The following LINGO2 variants were observed in gnomAD, a reference collection of about 807,000 sequenced individuals.
LINGO2 encodes leucine-rich repeat and immunoglobulin-like domain-containing nogo receptor-interacting protein 2.
In LINGO2, 14 loss-of-function variants were observed where a neutral mutation model predicts 30.6. That is an observed-to-expected ratio of 0.46 (90% confidence interval 0.30 to 0.72). The LOEUF (loss-of-function observed/expected upper bound fraction) is 0.72, where lower values mean the gene tolerates loss of function less well. Among genes scored for constraint, LINGO2 ranks in the 30% least tolerant of loss-of-function variants. LINGO2 has a pLI of 0.07. For synonymous variants in LINGO2, 317 were observed against 288.5 expected (o/e 1.10, Z -1.00); for missense variants, 729 against 751.7 (o/e 0.97, Z 0.35).
intron 2 of LINGO2, among the ~76,000 whole-genome samples, chr9:28,456,495 G>A (rs772256544): frequency 2.7e-4 from 41 of 152,182 alleles, no homozygotes; most frequent in Non-Finnish European, 4.3e-4. Context: ...AGTACCAAAA[G>A]AGAAATTTGG....
chr9:28,475,651 C>T (rs552155512), intron 2 of LINGO2, among the ~76,000 whole-genome samples: 1 of 152,188 alleles, frequency 6.6e-6, no homozygotes, highest in Admixed American at 6.5e-5. Flanking sequence ...AAAAGTTTAA[C>T]CAGACAACAA....
At chr9:28,819,931 C>T in the LINGO2 span, among the ~76,000 whole-genome samples, 12 of 152,136 alleles carry the variant, frequency 7.9e-5, no homozygotes, top group Non-Finnish European at 1.5e-4. Flanking sequence ...CCCACCCACA[C>T]CTACCACTCC....
At chr9:28,549,969 A>G (rs533801060) in intron 1 of LINGO2, among the ~76,000 whole-genome samples, 17 of 152,014 alleles carry the variant, frequency 1.1e-4, no homozygotes, top group African/African-American at 4.1e-4. Context: ...AATTATCTTC[A>G]CAACATCCTG....
chr9:29,018,387 A>AC, the LINGO2 span, among the ~76,000 whole-genome samples: 1 of 151,820 alleles, frequency 6.6e-6, no homozygotes, highest in African/African-American at 2.4e-5. Flanking sequence ...GATCATTTGT[A>AC]CCCCAAACCT....
chr9:28,723,923 G>GA, the LINGO2 span, among the ~76,000 whole-genome samples: 10 of 150,490 alleles, frequency 6.6e-5, no homozygotes, highest in Admixed American at 1.3e-4. Flanking sequence ...GATGCAAAAA[G>GA]AAAAAAAAAT....
At chr9:28,745,059 A>C in the LINGO2 span, among the ~76,000 whole-genome samples, 1 of 152,140 alleles carries the variant, frequency 6.6e-6, no homozygotes, top group South Asian at 2.1e-4. Context: ...ATAGACATGT[A>C]TGTTTATTTA....
chr9:27,968,120 A>G (rs755107558), intron 5 of LINGO2, among the ~76,000 whole-genome samples: 14 of 152,256 alleles, frequency 9.2e-5, no homozygotes, highest in Non-Finnish European at 1.8e-4. Flanking sequence ...TTTTATATGC[A>G]AAGTGGAGCT....
intron 4 of LINGO2, among the ~76,000 whole-genome samples, chr9:28,195,010 A>G (rs1819958760): frequency 1.3e-5 from 2 of 152,058 alleles, no homozygotes; most frequent in Admixed American, 6.6e-5. Flanking sequence ...GAATAAGTGG[A>G]CAAAAACAAA....
chr9:28,071,439 G>A (rs1825473570), intron 4 of LINGO2, among the ~76,000 whole-genome samples: 2 of 151,780 alleles, frequency 1.3e-5, no homozygotes, highest in Non-Finnish European at 2.9e-5. Context: ...GCTACTCTTT[G>A]TACTTATTTA....
At chr9:28,960,351 T>C in the LINGO2 span, among the ~76,000 whole-genome samples, 3 of 151,666 alleles carry the variant, frequency 2.0e-5, no homozygotes, top group African/African-American at 7.3e-5. Context: ...CACAAAAGAA[T>C]TAGCCAAGCA....
intron 4 of LINGO2, among the ~76,000 whole-genome samples, chr9:28,091,311 A>G (rs1325340709): frequency 9.2e-5 from 14 of 152,236 alleles, no homozygotes. Context: ...CTGACTTCAA[A>G]CTATACTAGA....
At chr9:29,180,687 TTA>T in the LINGO2 span, among the ~76,000 whole-genome samples, 1 of 152,184 alleles carries the variant, frequency 6.6e-6, no homozygotes, top group Non-Finnish European at 1.5e-5. Context: ...GAATCACTTC[TTA>T]ATTATAAAGA....
At chr9:28,867,453 T>A in the LINGO2 span, among the ~76,000 whole-genome samples, 11 of 149,062 alleles carry the variant, frequency 7.4e-5, no homozygotes, top group Non-Finnish European at 1.5e-5. Context: ...CTGAGCTAAA[T>A]ATGTGGCAGG....
the LINGO2 span, among the ~76,000 whole-genome samples, chr9:29,211,595 C>G: frequency 1.3e-5 from 2 of 148,978 alleles, no homozygotes; most frequent in Non-Finnish European, 1.5e-5. Context: ...CTCTCTCTCT[C>G]CCTCCCTCCC....
rs1822533671 is a variant in LINGO2 at position 28,554,565 on chromosome 9, C to A, written c.-364-78540G>T. On this transcript the variant is annotated intron_variant, in intron 1 of 5. Transcript: ENST00000379992. ...ATTAATAATGGGAGACTCTAACACC[C>A]CACTGTCAACATTAGACAGATCAAC... Among the ~76,000 whole-genome samples the A allele has an allele frequency of 4.8e-5, 7 of 146,506 alleles. No homozygotes were observed. In the South Asian group the frequency reaches 1.6e-3, roughly 33 times the overall value.
chr9:28,640,252 C>T (rs1827506568), intron 1 of LINGO2, among the ~76,000 whole-genome samples: 2 of 152,170 alleles, frequency 1.3e-5, no homozygotes, highest in African/African-American at 4.8e-5. Context: ...CTGCCCGTAA[C>T]ATTTTTTCCT....
At chr9:28,152,831 T>A (rs1828037567) in intron 4 of LINGO2, among the ~76,000 whole-genome samples, 1 of 152,042 alleles carries the variant, frequency 6.6e-6, no homozygotes, top group Admixed American at 6.6e-5. Context: ...CATGACAACA[T>A]GTGAAAGACA....
intron 1 of LINGO2, among the ~76,000 whole-genome samples, chr9:28,617,970 C>T (rs1486692364): frequency 6.6e-6 from 1 of 152,034 alleles, no homozygotes; most frequent in Non-Finnish European, 1.5e-5. Flanking sequence ...GTGAAGATAT[C>T]ACTGAAGTTG....
the LINGO2 span, among the ~76,000 whole-genome samples, chr9:28,780,955 G>C: frequency 2.0e-5 from 3 of 151,198 alleles, no homozygotes; most frequent in Admixed American, 6.6e-5. Flanking sequence ...GAGAGAGTAG[G>C]AAATTACAGT....
Sources: allele counts gnomAD v4.1 joint callset (sites outside exome capture counted in the v4.1 genomes callset), GRCh38; gene constraint gnomAD v4.1.1; transcripts MANE v1.5; gene names NCBI Gene and HGNC (gene_info 2026-07-23, HGNC 2026-07-21).